Variants in LAMA1 observed in about 807,000 individuals in gnomAD.
LAMA1 encodes the protein laminin subunit alpha-1.
A neutral mutation model predicts 348.7 loss-of-function variants in LAMA1; 219 were observed. The observed-to-expected ratio is 0.63, with a 90% CI of 0.56 to 0.70. The LOEUF (loss-of-function observed/expected upper bound fraction) is 0.70. Ranked by LOEUF, LAMA1 falls within the 30% of genes least tolerant of loss-of-function variation. The pLI is 0.00. For missense variants in LAMA1, 3,744 were observed against 3,888.0 expected, an observed-to-expected ratio of 0.96 and a Z score of 0.99; for synonymous variants, 1,487 against 1,491.0, an observed-to-expected ratio of 1.00 and a Z score of 0.06.
At chr18:7,099,191 CAT>C (rs1385457117) in intron 1 of LAMA1, among the ~76,000 whole-genome samples, 1 of 151,284 alleles carries the variant, frequency 6.6e-6, no homozygotes, top group Non-Finnish European at 1.5e-5. Flanking sequence ...CTCTCTGAAA[CAT>C]GTGCTGTGTC....
rs1377230159 is a variant in LAMA1, at chr18:6,985,392, C to T, written c.5505G>A (p.Glu1835=). The T allele has an allele frequency of 6.2e-7, 1 of 1,614,062 alleles. No individual in the cohort carries two copies. The highest frequency in any genetic ancestry group is 2.2e-5 in the East Asian group (1 of 44,900). ...DAVQDALEHL[E]DHQDKLLLWS... ...ATAAAAGTAGCTTATCCTGGTGATC[C>T]TCTAAGTGCTACATGGAGAAATTAA... The change falls in exon 39 of 63, where the codon GAG becomes GAA. Residue 1835 remains glutamate (E), a synonymous_variant. Coordinates refer to ENST00000389658, the MANE Select transcript of LAMA1 (RefSeq NM_005559.4).
At chr18:7,096,046 C>A (rs1316364980) in intron 1 of LAMA1, among the ~76,000 whole-genome samples, 1 of 152,152 alleles carries the variant, frequency 6.6e-6, no homozygotes, top group East Asian at 1.9e-4. Context: ...CCAGCCCAGG[C>A]AACAGCGCGA....
chr18:7,032,097 G>T lies in LAMA1; in HGVS notation c.2243C>A (p.Ala748Glu), dbSNP rs199528568. Residue 748 changes from alanine (A) to glutamate (E), a missense_variant, in exon 16 of 63, where the codon GCA becomes GAA. Around this residue, in one of 3 missense-constraint regions of LAMA1, gnomAD observed 1,529 missense variants for 1,689.4 expected, o/e 0.91. Transcript: ENST00000389658. ...AACGCCGTGAACATTACACTCAGCTGCATGGCCGTGGCATTCACAGGGTTG... is the reference window on the plus strand; with the variant it reads ...AACGCCGTGAACATTACACTCAGCTTCATGGCCGTGGCATTCACAGGGTTG... ...ICQPCECHGH[A>E]AECNVHGVCI... 1.5e-5 allele frequency: 24 copies of T among 1,614,132 alleles called. No individual in the cohort carries two copies. Among genetic ancestry groups the T allele is most frequent in the Non-Finnish European group, 1.6e-5 (19 of 1,180,010 alleles).
rs1383550756 is a variant in LAMA1, at chr18:6,953,125, CTGTGT to C, written c.8208-2159_8208-2155del. Among the ~76,000 whole-genome samples the C allele has an allele frequency of 8.0e-3, 1,200 of 149,192 alleles. 59 individuals are homozygous for C. Among genetic ancestry groups the C allele is most frequent in the African/African-American group, 0.029 (1,148 of 39,428 alleles). On this transcript the variant is annotated intron_variant, in intron 57 of 62. Coordinates refer to ENST00000389658, the MANE Select transcript of LAMA1 (RefSeq NM_005559.4). ...TCCACACCATAGGAGCCATGTCTGC[CTGTGT>C]CCAGCGGATCCACGCCATGGGAGCC...
chr18:7,032,208 A>G (rs1196893867), intron 15 of LAMA1, 32 bp from the exon 16 acceptor site: 1 of 1,438,354 alleles, frequency 7.0e-7, no homozygotes. Flanking sequence ...TCCTCTTTCC[A>G]CTACGTTACA....
chr18:6,975,005 C>G lies in LAMA1; in HGVS notation c.6521G>C (p.Gly2174Ala). ...SDFLAVEMRR[G>A]RVAFLWDLGS... ...CAGGTCCCACAGGAAGGCCACTCTCCCTCGCCGCATCTCCACTGCAAGGAA... is the reference window on the plus strand; with the variant it reads ...CAGGTCCCACAGGAAGGCCACTCTCGCTCGCCGCATCTCCACTGCAAGGAA... The change falls in exon 46 of 63, where the codon GGG becomes GCG. Residue 2174 changes from glycine to alanine, a missense_variant. Coordinates refer to ENST00000389658, the MANE Select transcript of LAMA1 (RefSeq NM_005559.4). The G allele has an allele frequency of 2.5e-6, 4 of 1,614,004 alleles. No homozygotes were observed. The highest frequency in any genetic ancestry group is 3.4e-6 in the Non-Finnish European group (4 of 1,179,984).
rs561705239 is a variant in LAMA1 at position 6,948,070 on chromosome 18, C to A, written c.8710+333G>T. Among the ~76,000 whole-genome samples the A allele has an allele frequency of 2.8e-4, 43 of 152,308 alleles. No homozygotes were observed. In the South Asian group the frequency reaches 3.9e-3, roughly 14 times the overall value. On this transcript the variant is annotated intron_variant, in intron 60 of 62. Coordinates refer to ENST00000389658, the MANE Select transcript of LAMA1 (RefSeq NM_005559.4). ...CGCCAGCTGGTCTAGACATTTTATGCTGCTGATTTTTAATTCAAAGCCCTT... is the reference window on the plus strand; with the variant it reads ...CGCCAGCTGGTCTAGACATTTTATGATGCTGATTTTTAATTCAAAGCCCTT...
chr18:7,045,663 A>T (rs1017146161), intron 6 of LAMA1, among the ~76,000 whole-genome samples: 7 of 152,060 alleles, frequency 4.6e-5, no homozygotes, highest in African/African-American at 9.7e-5. Flanking sequence ...AGTTCAAGCC[A>T]TTCTCCTGCC....
chr18:7,024,262 T>C (rs1431105877), intron 18 of LAMA1, 118 bp downstream of exon 18: 4 of 722,380 alleles, frequency 5.5e-6, no homozygotes, highest in South Asian at 1.8e-5. Flanking sequence ...AATGATTCTA[T>C]GAAATAACAA....
intron 15 of LAMA1, 78 bp downstream of exon 15, chr18:7,032,906 C>T: frequency 4.7e-6 from 5 of 1,071,960 alleles, no homozygotes; most frequent in Non-Finnish European, 7.0e-6. Flanking sequence ...CAAATGTTTG[C>T]CATGACATCC....
At chr18:7,032,203 T>A (rs761591085) in intron 15 of LAMA1, 27 bp from the exon 16 acceptor site, 1 of 1,488,692 alleles carries the variant, frequency 6.7e-7, no homozygotes, top group Admixed American at 1.7e-5. Flanking sequence ...AGTCATCCTC[T>A]TTCCACTACG....
chr18:6,978,587 G>C (rs1382816692), intron 42 of LAMA1, among the ~76,000 whole-genome samples: 1 of 152,070 alleles, frequency 6.6e-6, no homozygotes, highest in Non-Finnish European at 1.5e-5. Context: ...CAATATTAAA[G>C]CTGCATATCA....
intron 3 of LAMA1, among the ~76,000 whole-genome samples, chr18:7,053,480 C>T (rs986032263): frequency 2.6e-5 from 4 of 151,920 alleles, no homozygotes; most frequent in African/African-American, 9.7e-5. Context: ...CATTTTTCTA[C>T]AAACTGAAAA....
chr18:6,947,660 A>T (rs2057528332), intron 60 of LAMA1, among the ~76,000 whole-genome samples: 1 of 152,186 alleles, frequency 6.6e-6, no homozygotes, highest in Non-Finnish European at 1.5e-5. Flanking sequence ...ATCCGAGAAT[A>T]GTCCACTTTA....
intron 1 of LAMA1, among the ~76,000 whole-genome samples, chr18:7,081,545 T>A (rs2058193479): frequency 6.6e-6 from 1 of 152,212 alleles, no homozygotes; most frequent in Non-Finnish European, 1.5e-5. Flanking sequence ...TTCCTTTGTC[T>A]CAGCTGATTT....
intron 48 of LAMA1, among the ~76,000 whole-genome samples, chr18:6,969,022 G>T (rs2057646410): frequency 6.6e-6 from 1 of 152,144 alleles, no homozygotes; most frequent in East Asian, 1.9e-4. Flanking sequence ...GGTGCAGTGG[G>T]GGATGTTACC....
chr18:7,117,513 G>A, intron 1 of LAMA1, 147 bp downstream of exon 1: 2 of 742,472 alleles, frequency 2.7e-6, no homozygotes, highest in Non-Finnish European at 4.3e-6. Context: ...AAGCGCGGGA[G>A]ACCCACGTGG....
At chr18:7,115,824 A>C (rs900021339) in intron 1 of LAMA1, among the ~76,000 whole-genome samples, 5 of 149,474 alleles carry the variant, frequency 3.3e-5, no homozygotes, top group South Asian at 2.2e-4. Flanking sequence ...CAAAAAAAAA[A>C]AAAAAAAAAT....
chr18:7,075,571 C>G (rs555694119), intron 3 of LAMA1, among the ~76,000 whole-genome samples: 2 of 151,736 alleles, frequency 1.3e-5, no homozygotes, highest in Admixed American at 6.6e-5. Context: ...TGCAGTGAGC[C>G]GAGATCGCGC....
Sources: allele counts gnomAD v4.1 joint callset (sites outside exome capture counted in the v4.1 genomes callset), GRCh38; gene constraint gnomAD v4.1.1; regional missense constraint gnomAD v4.1.1; transcripts MANE v1.5; gene names NCBI Gene and HGNC (gene_info 2026-07-23, HGNC 2026-07-21).